The following BTBD16 variants were observed in gnomAD, a reference collection of about 807,000 sequenced individuals.
BTBD16 encodes the protein BTB/POZ domain-containing protein 16.
BTBD16 carries 66 observed loss-of-function variants against 67.4 expected under a neutral mutation model. The observed-to-expected ratio is 0.98, with a 90% CI of 0.80 to 1.20. The LOEUF (loss-of-function observed/expected upper bound fraction) is 1.20. BTBD16 is among the 50% of genes most tolerant of loss of function. The pLI, the probability that BTBD16 is intolerant of heterozygous loss-of-function variation, is 0.00. For missense variants in BTBD16, 634 were observed against 616.0 expected (o/e 1.03, Z -0.31); for synonymous variants, 242 against 236.4 (o/e 1.02, Z -0.22).
chr10:122,276,801 G>C lies in BTBD16; in HGVS notation c.29G>C (p.Arg10Pro). ...TTGATTACCAAGCAGCACAAAGCTC[G>C]GCTGGAACGCCGGGTCACTGGCTCA... MIMSNTHKA[R>P]LERRVTGSTN... is the part of the protein sequence containing the mutation. The change falls in exon 3 of 16, where the codon CGG becomes CCG. Residue 10 changes from arginine to proline, a missense_variant. Transcript: ENST00000260723. 6.2e-7 allele frequency: 1 copy of C among 1,614,124 alleles called. No homozygotes were observed. Among genetic ancestry groups the C allele is most frequent in the African/African-American group, 1.3e-5 (1 of 75,066 alleles).
At chr10:122,336,740 C>A in intron 15 of BTBD16, 58 bp downstream of exon 15, 1 of 1,429,734 alleles carries the variant, frequency 7.0e-7, no homozygotes, top group Non-Finnish European at 9.4e-7. Context: ...CTCCCCCATC[C>A]TTTTGGGGAT....
At chr10:122,297,358 G>C (rs146308078) in intron 7 of BTBD16, among the ~76,000 whole-genome samples, 1 of 152,330 alleles carries the variant, frequency 6.6e-6, no homozygotes, top group East Asian at 1.9e-4. Context: ...TTCCATTTGT[G>C]CACAGAGAGG....
rs1473880870 is a variant in BTBD16, at chr10:122,320,601, A to G, written c.912-8879A>G. ...CTTCATTCAGTTCAAAATACTTTCT[A>G]ATTTTCCCTTTGAGTTCTTCTTTGA... is the stretch of plus-strand genomic sequence containing the variant. On this transcript the variant is annotated intron_variant, in intron 10 of 15. Transcript: ENST00000260723. Among the ~76,000 whole-genome samples the G allele has an allele frequency of 2.0e-5, 3 of 152,236 alleles. No individual in the cohort carries two copies. The East Asian group carries it at 5.8e-4, about 29-fold the overall frequency.
chr10:122,299,755 G>A (rs554433769), intron 9 of BTBD16, among the ~76,000 whole-genome samples: 3 of 152,032 alleles, frequency 2.0e-5, no homozygotes, highest in East Asian at 1.9e-4. Context: ...TATGGGCCTC[G>A]CTCCATGGGT....
chr10:122,278,084 G>A (rs11596483), intron 3 of BTBD16, among the ~76,000 whole-genome samples: 30,441 of 152,126 alleles, frequency 0.2, 3,701 homozygotes, highest in East Asian at 0.42. Context: ...ACACTTTTCC[G>A]TTGCCGAGTT....
intron 13 of BTBD16, 189 bp downstream of exon 13, chr10:122,332,702 TG>T: frequency 1.5e-6 from 1 of 682,020 alleles, no homozygotes; most frequent in Non-Finnish European, 1.8e-6. Flanking sequence ...GGGAGGGGCC[TG>T]GGGCGGGCCA....
intron 11 of BTBD16, among the ~76,000 whole-genome samples, chr10:122,330,000 G>A (rs544784648): frequency 6.6e-6 from 1 of 152,270 alleles, no homozygotes; most frequent in Admixed American, 6.5e-5. Context: ...GAAAGAGGAG[G>A]GAAATGTTGG....
intron 5 of BTBD16, 154 bp from the exon 6 acceptor site, chr10:122,289,755 T>C (rs995652793): frequency 6.5e-6 from 1 of 153,588 alleles, no homozygotes; most frequent in African/African-American, 2.4e-5. Context: ...AAAAATTAAT[T>C]AATTAATTAA....
At chr10:122,298,437 C>G (rs1336622163) in intron 8 of BTBD16, among the ~76,000 whole-genome samples, 2 of 152,242 alleles carry the variant, frequency 1.3e-5, no homozygotes, top group Non-Finnish European at 2.9e-5. Flanking sequence ...GTCAGCATTT[C>G]TCAGCAATGC....
At chr10:122,315,228 G>A (rs1030224350) in intron 10 of BTBD16, among the ~76,000 whole-genome samples, 5 of 152,292 alleles carry the variant, frequency 3.3e-5, no homozygotes, top group Non-Finnish European at 7.4e-5. Context: ...AGCAAAGTGA[G>A]TACGTTTTAA....
chr10:122,336,401 A>T, intron 14 of BTBD16, 93 bp from the exon 15 acceptor site: 1 of 1,150,016 alleles, frequency 8.7e-7, no homozygotes, highest in Non-Finnish European at 1.2e-6. Flanking sequence ...TGCACACATT[A>T]TATACCAGGG....
chr10:122,328,242 G>A (rs956288127), intron 10 of BTBD16, among the ~76,000 whole-genome samples: 9 of 152,168 alleles, frequency 5.9e-5, no homozygotes, highest in Non-Finnish European at 8.8e-5. Context: ...CACCAGCCCC[G>A]GCTCCACTTA....
At chr10:122,314,431 G>A (rs1053256869) in intron 10 of BTBD16, among the ~76,000 whole-genome samples, 5 of 152,268 alleles carry the variant, frequency 3.3e-5, no homozygotes, top group Non-Finnish European at 7.4e-5. Context: ...TTGAGCCTGG[G>A]AGGTTGAGGC....
chr10:122,294,401 G>A (rs1456473060), intron 7 of BTBD16, among the ~76,000 whole-genome samples: 1 of 152,254 alleles, frequency 6.6e-6, no homozygotes, highest in African/African-American at 2.4e-5. Context: ...CTCCCATCTT[G>A]AAGAGATGCA....
chr10:122,297,911 C>T (rs2096386598), intron 8 of BTBD16, 74 bp downstream of exon 8: 3 of 1,333,098 alleles, frequency 2.3e-6, no homozygotes, highest in Non-Finnish European at 3.2e-6. Flanking sequence ...TGGGATTTTA[C>T]CCACCAGGCC....
chr10:122,302,014 T>A (rs10788276), intron 9 of BTBD16, among the ~76,000 whole-genome samples: 1 of 152,034 alleles, frequency 6.6e-6, no homozygotes, highest in Non-Finnish European at 1.5e-5. Flanking sequence ...TGTGTGGAAA[T>A]GCAGACTCCA....
At chr10:122,272,596 C>T (rs185523406) in intron 1 of BTBD16, among the ~76,000 whole-genome samples, 1 of 152,146 alleles carries the variant, frequency 6.6e-6, no homozygotes, top group Admixed American at 6.5e-5. Flanking sequence ...CTGCCTTGGC[C>T]TCCCAAAGTG....
intron 13 of BTBD16, among the ~76,000 whole-genome samples, chr10:122,333,871 G>A (rs2096458733): frequency 6.6e-6 from 1 of 152,086 alleles, no homozygotes; most frequent in African/African-American, 2.4e-5. Context: ...AATAGTTCTC[G>A]AGGTAGCCTC....
At chr10:122,276,683 C>A in intron 2 of BTBD16, 108 bp from the exon 3 acceptor site, 1 of 1,428,628 alleles carries the variant, frequency 7.0e-7, no homozygotes, top group Non-Finnish European at 9.6e-7. Flanking sequence ...AATTAACCAG[C>A]ACTGTAAAAT....
Sources: gnomAD v4.1 joint callset for allele counts (sites outside exome capture counted in the v4.1 genomes callset) on GRCh38, gnomAD v4.1.1 for gene constraint, MANE v1.5 for transcripts, NCBI Gene and HGNC (gene_info 2026-07-23, HGNC 2026-07-21) for gene names.